The following WNT9A variants were observed in gnomAD, a reference collection of about 807,000 sequenced individuals.
WNT9A encodes Wnt family member 9A.
A neutral mutation model predicts 31.4 loss-of-function variants in WNT9A; 8 were observed. That is an observed-to-expected ratio of 0.26 (90% CI 0.15 to 0.46). The LOEUF (loss-of-function observed/expected upper bound fraction) is 0.46. Ranked by LOEUF, WNT9A falls within the 20% of genes least tolerant of loss-of-function variation. The pLI, the probability that WNT9A is intolerant of heterozygous loss-of-function variation, is 0.99. For missense variants in WNT9A, 457 were observed against 522.9 expected (o/e 0.87, Z 1.23); for synonymous variants, 236 against 220.1 (o/e 1.07, Z -0.64).
At position 227,925,843 on chromosome 1, in the gene WNT9A, G is replaced by A. The variant is rs920371604; in HGVS notation, c.96-324C>T. Among the ~76,000 whole-genome samples the A allele has an allele frequency of 6.6e-6, 1 of 152,108 alleles. No homozygotes were observed. Among genetic ancestry groups the A allele is most frequent in the Non-Finnish European group, 1.5e-5 (1 of 67,990 alleles). On this transcript the variant is annotated intron_variant, in intron 1 of 3. Transcript: ENST00000272164. This position sits in a 1 kb window ranked among gnomAD's most constrained non-coding sequence, Gnocchi z 6.0. ...GACCCCCACAACACACACAACATAC[G>A]CAAGAGGACAGCCCCGCCTAGGGCT...
chr1:227,921,826 C>T lies in WNT9A; in HGVS notation c.790G>A (p.Ala264Thr). Residue 264 changes from alanine (A) to threonine (T), a missense_variant, in exon 4 of 4, where the codon GCA (alanine) becomes ACA (threonine). Physicochemically the swap from Ala to Thr is moderately conservative, Grantham distance 58 (BLOSUM62 0). Coordinates refer to ENST00000272164, the MANE Select transcript of WNT9A (RefSeq NM_003395.4). ...GSTTNEAAGEAGAISPPRGRA... is the reference protein window; with the variant it reads ...GSTTNEAAGETGAISPPRGRA... ...CCCCGTGGTGGGGAGATGGCACCTG[C>T]CTCGCCGGCAGCTTCATTGGTGGTG... 6.2e-7 allele frequency: 1 copy of T among 1,613,060 alleles called. No homozygotes were observed. The highest frequency in any genetic ancestry group is 8.5e-7 in the Non-Finnish European group (1 of 1,179,894).
Position 227,921,391 on chromosome 1 carries a change from G to C in WNT9A, c.*127C>G. Reference sequence around the variant, plus strand: ...GCAGGTGTAGACCCATTCACACTGTGTGCAATGCCTGTACCCCACGCAGCT... The same window carrying C: ...GCAGGTGTAGACCCATTCACACTGTCTGCAATGCCTGTACCCCACGCAGCT... On this transcript the variant is annotated 3_prime_UTR_variant, in exon 4 of 4. Coordinates refer to ENST00000272164, the MANE Select transcript of WNT9A (RefSeq NM_003395.4). 1 of 1,435,660 alleles carries C rather than the reference G, an allele frequency of 7.0e-7. No individual in the cohort carries two copies. Among genetic ancestry groups the C allele is most frequent in the Non-Finnish European group, 9.4e-7 (1 of 1,066,554 alleles). The allele number at this position is 1,435,660 out of a possible 1,614,324, so 88.9% of individuals were successfully genotyped here.
chr1:227,922,164 G>A (rs536048293), intron 3 of WNT9A, among the ~76,000 whole-genome samples, 164 bp from the exon 4 acceptor site: 33 of 152,252 alleles, frequency 2.2e-4, no homozygotes, highest in African/African-American at 6.0e-4. Flanking sequence ...TCAGTCTCCC[G>A]GCTCGTAGCA....
intron 1 of WNT9A, among the ~76,000 whole-genome samples, chr1:227,934,472 T>C (rs1666557723): frequency 6.6e-6 from 1 of 152,208 alleles, no homozygotes; most frequent in Non-Finnish European, 1.5e-5. Context: ...GGGATTCCCC[T>C]AGACAGGAAA....
chr1:227,931,134 T>C (rs954364657), intron 1 of WNT9A, among the ~76,000 whole-genome samples: 10 of 152,092 alleles, frequency 6.6e-5, no homozygotes, highest in East Asian at 1.9e-4. Flanking sequence ...CCACCGAGGC[T>C]GGAGTGCAGT....
chr1:227,938,512 C>T (rs1056979404), intron 1 of WNT9A, among the ~76,000 whole-genome samples: 1 of 151,996 alleles, frequency 6.6e-6, no homozygotes, highest in Non-Finnish European at 1.5e-5. Flanking sequence ...TACACCCATA[C>T]ACTCATGTGT....
rs917394349 is a variant in WNT9A at position 227,928,419 on chromosome 1, G to A, written c.96-2900C>T. 6.6e-6 allele frequency among the ~76,000 whole-genome samples: 1 copy of A among 152,146 alleles called. No homozygotes were observed. The highest frequency in any genetic ancestry group is 1.5e-5 in the Non-Finnish European group (1 of 67,990). Reference sequence around the variant, plus strand: ...GCCTAGCAGTGGCAAGGGATGGCCTGAGGCCCAAAGGCTACGCCCTTCCCT... The same window carrying A: ...GCCTAGCAGTGGCAAGGGATGGCCTAAGGCCCAAAGGCTACGCCCTTCCCT... On this transcript the variant is annotated intron_variant, in intron 1 of 3. Transcript: ENST00000272164. The surrounding 1 kb of genome is among the most constrained non-coding windows in gnomAD (Gnocchi z 4.5).
At chr1:227,923,922 C>T (rs1284486807) in intron 3 of WNT9A, among the ~76,000 whole-genome samples, 2 of 152,128 alleles carry the variant, frequency 1.3e-5, no homozygotes, top group South Asian at 2.1e-4. Flanking sequence ...CTCTCCATGG[C>T]TAGTGCCCCG....
rs960472083 is a variant in WNT9A, at chr1:227,926,715, C to G, written c.96-1196G>C. Among the ~76,000 whole-genome samples the G allele has an allele frequency of 6.6e-6, 1 of 151,878 alleles. No individual in the cohort carries two copies. Among genetic ancestry groups the G allele is most frequent in the African/African-American group, 2.4e-5 (1 of 41,362 alleles). On this transcript the variant is annotated intron_variant, in intron 1 of 3. Coordinates refer to ENST00000272164, the MANE Select transcript of WNT9A (RefSeq NM_003395.4). The surrounding 1 kb of genome is among the most constrained non-coding windows in gnomAD (Gnocchi z 5.0). ...ATCACTGGACACATGACGACCAACC[C>G]ACCCCCAGCAGAGAACGGCAGACTC...
chr1:227,936,291 C>T (rs779260770), intron 1 of WNT9A, among the ~76,000 whole-genome samples: 22 of 152,048 alleles, frequency 1.4e-4, no homozygotes, highest in Non-Finnish European at 2.9e-4. Context: ...TGGGTTCAAG[C>T]GATTGTTCCT....
chr1:227,927,465 C>G lies in WNT9A; in HGVS notation c.96-1946G>C, dbSNP rs78581709. Among the ~76,000 whole-genome samples, 1,491 of 152,306 alleles carry G rather than the reference C, an allele frequency of 9.8e-3. 59 individuals carry two copies. The highest frequency in any genetic ancestry group is 0.074 in the Admixed American group (1,128 of 15,308). ...CTGGGTGAGGGAAGGAAGGGCAGTG[C>G]AGGCAGGTCCCCTCAAATGCCCTGG... On this transcript the variant is annotated intron_variant, in intron 1 of 3. Transcript: ENST00000272164.
At chr1:227,936,584 C>T (rs965085899) in intron 1 of WNT9A, among the ~76,000 whole-genome samples, 15 of 152,058 alleles carry the variant, frequency 9.9e-5, no homozygotes, top group African/African-American at 1.7e-4. Flanking sequence ...ATCCACCCAC[C>T]GCAGCCTCAC....
At chr1:227,939,388 G>GC (rs1666654918) in intron 1 of WNT9A, among the ~76,000 whole-genome samples, 1 of 152,166 alleles carries the variant, frequency 6.6e-6, no homozygotes, top group South Asian at 2.1e-4. Context: ...TCTGGGGACG[G>GC]CCCCCCGCTC....
At chr1:227,941,508 T>G (rs768285926) in intron 1 of WNT9A, 1 of 154,052 alleles carries the variant, frequency 6.5e-6, no homozygotes, top group South Asian at 2.0e-4. Flanking sequence ...GGGACCCTCC[T>G]GGCAAACCCC....
intron 1 of WNT9A, among the ~76,000 whole-genome samples, chr1:227,938,656 T>G (rs1336854712): frequency 6.6e-6 from 1 of 152,144 alleles, no homozygotes; most frequent in Non-Finnish European, 1.5e-5. Flanking sequence ...CACACATACA[T>G]GCACATACAC....
chr1:227,919,250 G>A lies in WNT9A; in HGVS notation c.*2268C>T, dbSNP rs1425550820. The A allele has an allele frequency of 1.3e-5, 2 of 152,186 alleles. No individual in the cohort carries two copies. Among genetic ancestry groups the A allele is most frequent in the South Asian group, 4.1e-4 (2 of 4,828 alleles). The allele number at this position is 152,186 out of a possible 1,614,324, so 9.4% of individuals were successfully genotyped here. A position where few individuals can be genotyped will look rare whatever the true frequency, so the allele number is the denominator to read the frequency against. ...CAGCTATGCTGCTCAGGGACCAGTG[G>A]ATGCGGACACTGCAGAGGGCAGGGG... On this transcript the variant is annotated 3_prime_UTR_variant, in exon 4 of 4. Coordinates refer to ENST00000272164, the MANE Select transcript of WNT9A (RefSeq NM_003395.4).
At chr1:227,945,220 T>C (rs1347669098) in intron 1 of WNT9A, among the ~76,000 whole-genome samples, 2 of 152,218 alleles carry the variant, frequency 1.3e-5, no homozygotes, top group East Asian at 1.9e-4. Context: ...TCTGAGTCTG[T>C]ACCCCAAGCC....
At chr1:227,944,249 TGA>T (rs1666760895) in intron 1 of WNT9A, among the ~76,000 whole-genome samples, 1 of 151,948 alleles carries the variant, frequency 6.6e-6, no homozygotes, top group African/African-American at 2.4e-5. Context: ...TGATGCTGAG[TGA>T]GAGAAGCCAG....
At chr1:227,935,223 C>T (rs1048715177) in intron 1 of WNT9A, among the ~76,000 whole-genome samples, 2 of 151,532 alleles carry the variant, frequency 1.3e-5, no homozygotes, top group African/African-American at 2.4e-5. Context: ...CAGATCACAC[C>T]CCCAGTTCAC....
Sources: gnomAD v4.1 joint callset for allele counts (sites outside exome capture counted in the v4.1 genomes callset) on GRCh38, gnomAD v4.1.1 for gene constraint, Gnocchi (gnomAD v3.1) non-coding constraint, MANE v1.5 for transcripts, NCBI Gene and HGNC (gene_info 2026-07-23, HGNC 2026-07-21) for gene names.